The following CTNND2 variants were observed in gnomAD, a reference collection of about 807,000 sequenced individuals.
The protein encoded by CTNND2 is catenin delta 2.
CTNND2 carries 22 observed loss-of-function variants against 144.4 expected under a neutral mutation model. The ratio of observed to expected loss-of-function variants is 0.15; its 90% CI spans 0.11 to 0.22. The LOEUF (loss-of-function observed/expected upper bound fraction) is 0.22. CTNND2 is among the 10% of genes least tolerant of loss of function. The pLI is 1.00. For synonymous variants in CTNND2, 751 were observed against 695.6 expected (o/e 1.08, Z -1.25); for missense variants, 1,353 against 1,618.8 (o/e 0.84, Z 2.82).
chr5:11,472,806 T>C (rs1767352966), intron 3 of CTNND2, among the ~76,000 whole-genome samples: 1 of 152,230 alleles, frequency 6.6e-6, no homozygotes, highest in African/African-American at 2.4e-5. Flanking sequence ...CCAGCAATTA[T>C]ATGACATCAA....
At chr5:11,780,099 G>T (rs963394067) in intron 1 of CTNND2, among the ~76,000 whole-genome samples, 1 of 152,150 alleles carries the variant, frequency 6.6e-6, no homozygotes, top group Non-Finnish European at 1.5e-5. Flanking sequence ...AGGAGGAGCT[G>T]AGACCTGAGT....
chr5:11,847,608 C>T (rs922351793), intron 1 of CTNND2, among the ~76,000 whole-genome samples: 16 of 151,922 alleles, frequency 1.1e-4, no homozygotes, highest in Admixed American at 3.9e-4. Context: ...GTATATATTT[C>T]GAAATAGCTA....
chr5:11,880,132 ATT>A (rs1422247903), intron 1 of CTNND2, among the ~76,000 whole-genome samples: 3 of 152,160 alleles, frequency 2.0e-5, no homozygotes, highest in African/African-American at 7.2e-5. Flanking sequence ...ACCTAACTTA[ATT>A]CATCCTGATA....
rs61760269 is a variant in CTNND2 at position 11,453,144 on chromosome 5, G to C, written c.288-41075C>G. Among the ~76,000 whole-genome samples the C allele has an allele frequency of 9.9e-5, 15 of 152,274 alleles. No homozygotes were observed. In the East Asian group the frequency reaches 2.9e-3, roughly 29 times the overall value. On this transcript the variant is annotated intron_variant, in intron 3 of 21. Transcript: ENST00000304623. ...GCAGCTGAAGTTTAAAACCAAGTCT[G>C]AGGGACTTCAAAACCTGTCCCCTCT... is the stretch of plus-strand genomic sequence containing the variant.
At chr5:11,150,042 G>A (rs996127191) in intron 12 of CTNND2, among the ~76,000 whole-genome samples, 2 of 152,190 alleles carry the variant, frequency 1.3e-5, no homozygotes, top group African/African-American at 4.8e-5. Flanking sequence ...ACACAATGAA[G>A]ATCCCATCCC....
intron 12 of CTNND2, among the ~76,000 whole-genome samples, chr5:11,125,248 C>T (rs1004161994): frequency 2.0e-5 from 3 of 152,174 alleles, no homozygotes; most frequent in Admixed American, 1.3e-4. Context: ...GCAGAGGTTG[C>T]AGGGCTAGGG....
chr5:11,186,727 T>G (rs555473773), intron 11 of CTNND2, among the ~76,000 whole-genome samples: 35 of 152,288 alleles, frequency 2.3e-4, no homozygotes, highest in African/African-American at 7.2e-4. Context: ...TCCCAAGCTA[T>G]TATCGTGAAA....
intron 10 of CTNND2, among the ~76,000 whole-genome samples, chr5:11,207,580 CT>C (rs1019351842): frequency 1.8e-4 from 27 of 152,040 alleles, no homozygotes; most frequent in Admixed American, 3.3e-4. Flanking sequence ...GATCTTTCGG[CT>C]TTTTTTGTGT....
In CTNND2 at chr5:11,278,342, T is replaced by A. The variant is rs74429231; in HGVS notation, c.1629-41519A>T. Among the ~76,000 whole-genome samples, 865 of 152,340 alleles carry A rather than the reference T, an allele frequency of 5.7e-3. 24 individuals are homozygous for A. Among genetic ancestry groups the A allele is most frequent in the East Asian group, 0.017 (86 of 5,184 alleles). ...GTCCTATTTCCTTGTCTTTCATTTA[T>A]TTATTCAACAAATATTCATGGAGCA... On this transcript the variant is annotated intron_variant, in intron 9 of 21. Transcript: ENST00000304623.
intron 18 of CTNND2, among the ~76,000 whole-genome samples, chr5:10,993,576 G>A (rs1579977506): frequency 1.3e-5 from 2 of 152,236 alleles, no homozygotes; most frequent in African/African-American, 4.8e-5. Flanking sequence ...AGAGGCCATT[G>A]CTTTCAATTC....
intron 3 of CTNND2, among the ~76,000 whole-genome samples, chr5:11,470,953 A>AGT (rs1366616138): frequency 4.2e-5 from 2 of 48,174 alleles, no homozygotes; most frequent in African/African-American, 1.5e-4. Flanking sequence ...TTTGATACAA[A>AGT]GTATATATAT....
intron 3 of CTNND2, among the ~76,000 whole-genome samples, chr5:11,534,795 TATG>T (rs1426775208): frequency 6.6e-6 from 1 of 152,076 alleles, no homozygotes; most frequent in Non-Finnish European, 1.5e-5. Context: ...TTCTAAGAAA[TATG>T]TAAGTTAGTT....
intron 16 of CTNND2, among the ~76,000 whole-genome samples, chr5:11,041,390 A>G (rs1047078158): frequency 6.6e-6 from 1 of 152,226 alleles, no homozygotes; most frequent in African/African-American, 2.4e-5. Flanking sequence ...GACAAATAGA[A>G]GTTAAATGGT....
intron 3 of CTNND2, among the ~76,000 whole-genome samples, chr5:11,480,444 C>T (rs1768134654): frequency 6.6e-6 from 1 of 152,150 alleles, no homozygotes; most frequent in African/African-American, 2.4e-5. Flanking sequence ...TATTACGGAA[C>T]TTTCTTCTCC....
intron 1 of CTNND2, among the ~76,000 whole-genome samples, chr5:11,899,868 C>T (rs528892109): frequency 2.0e-5 from 3 of 152,244 alleles, no homozygotes; most frequent in South Asian, 4.1e-4. Context: ...CCACCAAAAG[C>T]CAGTGCTCTC....
intron 9 of CTNND2, among the ~76,000 whole-genome samples, chr5:11,301,173 T>C (rs1253391456): frequency 2.3e-5 from 3 of 128,156 alleles, no homozygotes; most frequent in Non-Finnish European, 5.2e-5. Context: ...CCTGCCACCA[T>C]GCCCAGCTAA....
chr5:11,352,578 G>A (rs1179173941), intron 8 of CTNND2, among the ~76,000 whole-genome samples: 1 of 152,120 alleles, frequency 6.6e-6, no homozygotes, highest in Non-Finnish European at 1.5e-5. Flanking sequence ...AATTCAAGAT[G>A]AGATATAAGG....
At chr5:11,728,583 G>C (rs1474027942) in intron 2 of CTNND2, among the ~76,000 whole-genome samples, 1 of 152,086 alleles carries the variant, frequency 6.6e-6, no homozygotes, top group Non-Finnish European at 1.5e-5. Flanking sequence ...TGCTACCTTT[G>C]AATCACCAAT....
At chr5:11,604,152 C>A (rs1039868541) in intron 2 of CTNND2, among the ~76,000 whole-genome samples, 1 of 152,152 alleles carries the variant, frequency 6.6e-6, no homozygotes, top group African/African-American at 2.4e-5. Flanking sequence ...GGCTTCTTCT[C>A]CTTTTAGTGT....
Sources: allele counts gnomAD v4.1 joint callset (sites outside exome capture counted in the v4.1 genomes callset), GRCh38; gene constraint gnomAD v4.1.1; transcripts MANE v1.5; gene names NCBI Gene and HGNC (gene_info 2026-07-23, HGNC 2026-07-21).